MCCC1: variants seen among roughly 807,000 people sequenced by gnomAD.
MCCC1 encodes the protein methylcrotonyl-CoA carboxylase subunit 1.
A neutral mutation model predicts 83.8 loss-of-function variants in MCCC1; 64 were observed. The observed-to-expected ratio is 0.76, with a 90% CI of 0.62 to 0.94. MCCC1 has a LOEUF of 0.94. MCCC1 is among the 40% of genes least tolerant of loss of function. MCCC1 has a pLI of 0.00. For synonymous variants in MCCC1, 322 were observed against 315.4 expected (o/e 1.02, Z -0.22); for missense variants, 807 against 904.7 (o/e 0.89, Z 1.39).
Position 183,105,205 on chromosome 3 carries a change from G to A in MCCC1, c.-102+10269C>T, listed in dbSNP as rs144543592. 1.7e-3 allele frequency among the ~76,000 whole-genome samples: 254 copies of A among 152,278 alleles called. 1 individual carries two copies. The highest frequency in any genetic ancestry group is 5.8e-3 in the African/African-American group (242 of 41,564). On this transcript the variant is annotated intron_variant, in intron 1 of 17. Transcript: ENST00000492597. ...AGTAAAAATACAAAATTAGCTGGGC[G>A]TGGTGGCATATGCCTGTAATCCCAG...
chr3:183,047,274 C>T (rs1714626298), intron 9 of MCCC1, among the ~76,000 whole-genome samples: 2 of 152,230 alleles, frequency 1.3e-5, no homozygotes, highest in South Asian at 4.2e-4. Context: ...AAAACAAAAA[C>T]ATACCAGGAA....
chr3:183,049,986 G>A (rs992048868), intron 9 of MCCC1, among the ~76,000 whole-genome samples: 3 of 152,132 alleles, frequency 2.0e-5, no homozygotes, highest in African/African-American at 7.2e-5. Flanking sequence ...TGAGTGTTGT[G>A]GCACATGCCT....
At position 183,070,997 on chromosome 3, in the gene MCCC1, A is replaced by G; in HGVS notation, c.761+2T>C. 6.2e-7 allele frequency: 1 copy of G among 1,613,684 alleles called. No homozygotes were observed. The highest frequency in any genetic ancestry group is 8.5e-7 in the Non-Finnish European group (1 of 1,179,744). ...TGAGTCAGAAAAATAAGGCCAACCCACCTCGGTGTGTCTACAAACTTCTCG... is the reference window on the plus strand; with the variant it reads ...TGAGTCAGAAAAATAAGGCCAACCCGCCTCGGTGTGTCTACAAACTTCTCG... On this transcript the variant is annotated splice_donor_variant, in intron 7 of 18. Coordinates refer to ENST00000265594, the MANE Select transcript of MCCC1 (RefSeq NM_020166.5). LOFTEE classifies it high-confidence loss of function.
At chr3:183,099,714 T>A, upstream of MCCC1, 1 of 561,258 alleles carries the variant, frequency 1.8e-6, no homozygotes, top group Non-Finnish European at 3.2e-6. Flanking sequence ...CTGCTCTGAC[T>A]AAGGCAAGGG....
intron 1 of MCCC1, among the ~76,000 whole-genome samples, chr3:183,111,898 T>G (rs879212571): frequency 6.6e-6 from 1 of 152,174 alleles, no homozygotes; most frequent in Admixed American, 6.6e-5. Context: ...AACTTTGCAT[T>G]GTAATTTTTG....
intron 1 of MCCC1, among the ~76,000 whole-genome samples, chr3:183,114,177 G>A (rs1719551039): frequency 6.6e-6 from 1 of 152,162 alleles, no homozygotes; most frequent in South Asian, 2.1e-4. Context: ...AAAGCCCTGT[G>A]TCTATCACCT....
intron 9 of MCCC1, among the ~76,000 whole-genome samples, chr3:183,050,531 C>T (rs899291088): frequency 2.6e-5 from 4 of 151,828 alleles, no homozygotes; most frequent in Non-Finnish European, 5.9e-5. Context: ...GGTGAAACCC[C>T]GCCTCTACTA....
At chr3:183,070,901 T>G in intron 7 of MCCC1, 98 bp downstream of exon 7, 1 of 1,332,480 alleles carries the variant, frequency 7.5e-7, no homozygotes, top group Non-Finnish European at 1.0e-6. Context: ...AATAATATAC[T>G]TATATACTAC....
intron 7 of MCCC1, among the ~76,000 whole-genome samples, chr3:183,070,235 GAC>G (rs35587538): frequency 0.55 from 84,012 of 151,860 alleles, 28,597 homozygotes; most frequent in Non-Finnish European, 0.76. Context: ...CATCTCAACT[GAC>G]AGAGTTCTAT....
chr3:183,079,464 T>C (rs1717327781), intron 4 of MCCC1, among the ~76,000 whole-genome samples: 2 of 152,240 alleles, frequency 1.3e-5, no homozygotes. Flanking sequence ...TTTGACTCCA[T>C]GTCTCGCATC....
At chr3:183,058,495 G>C (rs1259292001) in intron 7 of MCCC1, among the ~76,000 whole-genome samples, 1 of 152,040 alleles carries the variant, frequency 6.6e-6, no homozygotes, top group Admixed American at 6.6e-5. Flanking sequence ...GGTGGTACAT[G>C]CCTGTAGTCC....
rs376703705 is a variant in MCCC1, at chr3:183,076,012, G to T, written c.370-3525C>A. On this transcript the variant is annotated intron_variant, in intron 4 of 18. Transcript: ENST00000265594. ...CATCTATACTAGGCAAATGAAACAG[G>T]TCTATGTCCTAGTCCTCCCTGGTTT... Among the ~76,000 whole-genome samples the T allele has an allele frequency of 1.5e-4, 23 of 152,222 alleles. No individual in the cohort carries two copies. In the South Asian group the frequency reaches 4.6e-3, roughly 30 times the overall value.
intron 7 of MCCC1, among the ~76,000 whole-genome samples, chr3:183,070,144 G>T (rs1560255642): frequency 6.6e-6 from 1 of 152,184 alleles, no homozygotes; most frequent in Non-Finnish European, 1.5e-5. Context: ...CTGGCACATG[G>T]TAAGTGCAAT....
intron 9 of MCCC1, among the ~76,000 whole-genome samples, chr3:183,051,513 G>C (rs1577294743): frequency 6.6e-6 from 1 of 152,094 alleles, no homozygotes; most frequent in Non-Finnish European, 1.5e-5. Context: ...GGGGTTTAGG[G>C]GGGATGAAAG....
chr3:183,072,726 C>A (rs1046912572), intron 4 of MCCC1, among the ~76,000 whole-genome samples: 4 of 152,200 alleles, frequency 2.6e-5, no homozygotes, highest in African/African-American at 7.2e-5. Context: ...TAGCAAAACA[C>A]TGACCATTTT....
At chr3:183,106,081 T>TAATAAAAAAAAAA (rs1553872644) in intron 1 of MCCC1, among the ~76,000 whole-genome samples, 3 of 101,064 alleles carry the variant, frequency 3.0e-5, no homozygotes, top group African/African-American at 1.1e-4. Context: ...AGAGAGTCCG[T>TAATAAAAAAAAAA]AAAAAAAAAA....
chr3:183,045,439 T>C lies in MCCC1; in HGVS notation c.1057A>G (p.Thr353Ala). The change falls in exon 10 of 19, where the codon ACT becomes GCT. Residue 353 changes from threonine (T) to alanine (A), a missense_variant. Physicochemically the swap from Thr to Ala is moderately conservative, Grantham distance 58. Transcript: ENST00000265594. ...CTAAGCTGCCACTCCACCAAGTCAGTTCCTGTGATCATCTCAGTAACAGGA... is the reference window on the plus strand; with the variant it reads ...CTAAGCTGCCACTCCACCAAGTCAGCTCCTGTGATCATCTCAGTAACAGGA... ...EHPVTEMITG[T>A]DLVEWQLRIA... 1 of 1,614,158 alleles carries C rather than the reference T, an allele frequency of 6.2e-7. No individual in the cohort carries two copies. The highest frequency in any genetic ancestry group is 8.5e-7 in the Non-Finnish European group (1 of 1,180,006).
At chr3:183,031,817 T>C (rs1713104541) in intron 14 of MCCC1, among the ~76,000 whole-genome samples, 3 of 151,398 alleles carry the variant, frequency 2.0e-5, no homozygotes, top group Non-Finnish European at 2.9e-5. Flanking sequence ...TCTTTTTTTT[T>C]TTTTTTCCTT....
intron 2 of MCCC1, among the ~76,000 whole-genome samples, chr3:183,093,470 G>A (rs1341409364): frequency 6.6e-6 from 1 of 152,158 alleles, no homozygotes; most frequent in Admixed American, 6.5e-5. Flanking sequence ...GTACATAGGT[G>A]TGTGTGGTTC....
Sources: allele counts gnomAD v4.1 joint callset (sites outside exome capture counted in the v4.1 genomes callset), GRCh38; gene constraint gnomAD v4.1.1; transcripts MANE v1.5; gene names NCBI Gene and HGNC (gene_info 2026-07-23, HGNC 2026-07-21).